Variants in PTPRT observed in about 807,000 individuals in gnomAD.
PTPRT encodes receptor-type tyrosine-protein phosphatase T.
A neutral mutation model predicts 176.8 loss-of-function variants in PTPRT; 56 were observed. The observed-to-expected ratio is 0.32, with a 90% CI of 0.26 to 0.40. The LOEUF is 0.40. Ranked by LOEUF, PTPRT falls within the 10% of genes least tolerant of loss-of-function variation. The pLI, the probability that PTPRT is intolerant of heterozygous loss-of-function variation, is 1.00. For synonymous variants in PTPRT, 783 were observed against 739.0 expected (o/e 1.06, Z -0.96); for missense variants, 1,540 against 1,908.2 (o/e 0.81, Z 3.60).
chr20:42,343,138 C>T (rs115699980), intron 11 of PTPRT, among the ~76,000 whole-genome samples: 2 of 152,122 alleles, frequency 1.3e-5, no homozygotes, highest in Admixed American at 6.5e-5. Flanking sequence ...TGTAAAAGGT[C>T]CCTTAGAAGT....
chr20:42,187,467 G>A (rs1443215442), intron 16 of PTPRT, among the ~76,000 whole-genome samples: 1 of 152,182 alleles, frequency 6.6e-6, no homozygotes, highest in Non-Finnish European at 1.5e-5. Context: ...TTATGGAAAT[G>A]GTGATGCACT....
intron 2 of PTPRT, among the ~76,000 whole-genome samples, chr20:42,828,482 G>A (rs533895993): frequency 2.6e-5 from 4 of 152,304 alleles, no homozygotes; most frequent in South Asian, 2.1e-4. Context: ...ATGAGGAGCC[G>A]AATGTTAATC....
chr20:42,708,043 T>C (rs779978803), intron 6 of PTPRT, among the ~76,000 whole-genome samples: 11 of 152,196 alleles, frequency 7.2e-5, no homozygotes, highest in African/African-American at 1.4e-4. Flanking sequence ...TATGCAATTA[T>C]TAAATTATAA....
chr20:42,553,830 TC>T (rs969956793), intron 7 of PTPRT, among the ~76,000 whole-genome samples: 5 of 152,096 alleles, frequency 3.3e-5, no homozygotes, highest in African/African-American at 1.2e-4. Context: ...CTTAGTTTTT[TC>T]TACCAAGCAG....
intron 1 of PTPRT, among the ~76,000 whole-genome samples, chr20:43,034,247 A>T (rs1167955212): frequency 6.6e-6 from 1 of 152,198 alleles, no homozygotes; most frequent in African/African-American, 2.4e-5. Flanking sequence ...AAGAGCCCAG[A>T]CTTTGGCATA....
intron 7 of PTPRT, among the ~76,000 whole-genome samples, chr20:42,514,640 A>C (rs2145471122): frequency 6.6e-6 from 1 of 152,280 alleles, no homozygotes; most frequent in East Asian, 1.9e-4. Context: ...TATAATCTTT[A>C]AGAAGACTCT....
At chr20:42,037,391 G>A in the PTPRT span, among the ~76,000 whole-genome samples, 2 of 152,164 alleles carry the variant, frequency 1.3e-5, no homozygotes, top group African/African-American at 4.8e-5. Context: ...ACTGTAGGGA[G>A]GGGTACAGGG....
chr20:43,139,311 C>T (rs1177593510), intron 1 of PTPRT, among the ~76,000 whole-genome samples: 5 of 152,134 alleles, frequency 3.3e-5, no homozygotes, highest in African/African-American at 4.8e-5. Context: ...AACCATGGGG[C>T]TTTTCCAGCT....
At position 42,099,553 on chromosome 20, in the gene PTPRT, GGGGGGGGT is replaced by G. The variant is rs386814240; in HGVS notation, c.3715-1009_3715-1002del. ...CAGAGAAAATGGCCTGGGCGGGGGG[GGGGGGGGT>G]GGGGTGGTCTGGCAGCTTCATCCAG... is the stretch of plus-strand genomic sequence containing the variant. On this transcript the variant is annotated intron_variant, in intron 26 of 30. Coordinates refer to ENST00000373187, the MANE Select transcript of PTPRT (RefSeq NM_007050.6). Among the ~76,000 whole-genome samples, 249 of 71,366 alleles carry G rather than the reference GGGGGGGGT, an allele frequency of 3.5e-3. 4 individuals carry two copies. Among genetic ancestry groups the G allele is most frequent in the Middle Eastern group, 6.3e-3 (1 of 158 alleles). 46.8% of individuals were successfully genotyped at this position (71,366 alleles called of 152,430 possible).
At chr20:42,449,438 C>T (rs12053607) in intron 8 of PTPRT, among the ~76,000 whole-genome samples, 32,427 of 152,088 alleles carry the variant, frequency 0.21, 3,561 homozygotes, top group Middle Eastern at 0.32. Flanking sequence ...TCTGCTGTAA[C>T]CCCTTAGAAA....
At chr20:42,739,468 T>C (rs1239431595) in intron 6 of PTPRT, among the ~76,000 whole-genome samples, 1 of 151,934 alleles carries the variant, frequency 6.6e-6, no homozygotes, top group African/African-American at 2.4e-5. Flanking sequence ...AAGTTACCTG[T>C]TTGTGACCTT....
At chr20:43,171,877 C>G (rs1055982404) in intron 1 of PTPRT, among the ~76,000 whole-genome samples, 3 of 152,262 alleles carry the variant, frequency 2.0e-5, no homozygotes, top group Non-Finnish European at 2.9e-5. Flanking sequence ...GGACAAGTAC[C>G]CTAACCCCTC....
At chr20:42,523,983 G>T (rs1158484737) in intron 7 of PTPRT, among the ~76,000 whole-genome samples, 1 of 151,672 alleles carries the variant, frequency 6.6e-6, no homozygotes, top group East Asian at 1.9e-4. Flanking sequence ...GGCAAAATAG[G>T]GAGACCCTAT....
chr20:42,785,562 T>C (rs1192347033), intron 3 of PTPRT, among the ~76,000 whole-genome samples: 1 of 152,216 alleles, frequency 6.6e-6, no homozygotes, highest in African/African-American at 2.4e-5. Context: ...CTTGTCCCTA[T>C]GTGGGCACTC....
the PTPRT span, among the ~76,000 whole-genome samples, chr20:42,042,036 A>G: frequency 6.6e-6 from 1 of 152,238 alleles, no homozygotes; most frequent in Non-Finnish European, 1.5e-5. Context: ...GCTGGTGATC[A>G]CTGTCACTTG....
At chr20:42,216,612 T>C (rs2055776490) in intron 15 of PTPRT, among the ~76,000 whole-genome samples, 1 of 152,210 alleles carries the variant, frequency 6.6e-6, no homozygotes, top group Non-Finnish European at 1.5e-5. Context: ...CTTTAGCACA[T>C]AGTTTAGCAC....
At chr20:43,171,272 A>G (rs2014992141) in intron 1 of PTPRT, among the ~76,000 whole-genome samples, 1 of 152,232 alleles carries the variant, frequency 6.6e-6, no homozygotes, top group Non-Finnish European at 1.5e-5. Flanking sequence ...TCAAGATTAA[A>G]ATTGCTGAAA....
rs1204563640 is a variant in PTPRT at position 42,677,912 on chromosome 20, A to T, written c.1107T>A (p.Gly369=). The part of the protein sequence containing the change: ...RVLLTRPGEG[G]TGPPGPPLTT... The stretch of plus-strand genomic sequence containing the variant: ...TGAGGGGAGGCCCTGGCGGTCCCGT[A>T]CCCCCCTCACCTGGTCGTGTGAGGA... Residue 369 remains glycine, a synonymous_variant, in exon 7 of 31, where the codon GGT becomes GGA. Transcript: ENST00000373187. 6.2e-7 allele frequency: 1 copy of T among 1,613,576 alleles called. No homozygotes were observed. The highest frequency in any genetic ancestry group is 8.5e-7 in the Non-Finnish European group (1 of 1,179,948).
At chr20:42,781,720 A>C (rs1457749136) in intron 3 of PTPRT, among the ~76,000 whole-genome samples, 1 of 152,220 alleles carries the variant, frequency 6.6e-6, no homozygotes, top group Admixed American at 6.5e-5. Context: ...TTTCCACTGC[A>C]AAACTTTAAC....
Sources: gnomAD v4.1 joint callset for allele counts (sites outside exome capture counted in the v4.1 genomes callset) on GRCh38, gnomAD v4.1.1 for gene constraint, MANE v1.5 for transcripts, NCBI Gene and HGNC (gene_info 2026-07-23, HGNC 2026-07-21) for gene names.